Variants in IQGAP3 observed in about 807,000 individuals in gnomAD.
The protein encoded by IQGAP3 is IQ motif containing GTPase activating protein 3, also known as ras GTPase-activating-like protein IQGAP3.
IQGAP3 carries 165 observed loss-of-function variants against 208.2 expected under a neutral mutation model. The observed-to-expected ratio is 0.79, with a 90% CI of 0.70 to 0.90. The LOEUF is 0.90. IQGAP3 is among the 40% of genes least tolerant of loss of function. IQGAP3 has a pLI of 0.00. For synonymous variants in IQGAP3, 703 were observed against 803.6 expected, an observed-to-expected ratio of 0.87 and a Z score of 2.12; for missense variants, 1,811 against 2,043.1, an observed-to-expected ratio of 0.89 and a Z score of 2.19.
chr1:156,548,512 A>G lies in IQGAP3; in HGVS notation c.1994-25T>C, dbSNP rs116825612. 2,140 of 1,610,816 alleles carry G rather than the reference A, an allele frequency of 1.3e-3. 24 individuals are homozygous for G. The African/African-American group carries it at 0.024, about 18-fold the overall frequency. On this transcript the variant is annotated intron_variant, in intron 17 of 37. Transcript: ENST00000361170. ...GCTAAGCAGAAACCAAGCAAGCAGA[A>G]AAGGTTCAGAGCAGGCAAGGGGTGG... is the stretch of plus-strand genomic sequence containing the variant.
chr1:156,541,045 T>C, intron 22 of IQGAP3, 129 bp from the exon 23 acceptor site: 6 of 697,478 alleles, frequency 8.6e-6, no homozygotes. Flanking sequence ...ACCCCAGTCC[T>C]CTTCTAACTG....
chr1:156,543,889 G>C (rs1675103658), intron 22 of IQGAP3, 92 bp downstream of exon 22: 4 of 1,074,076 alleles, frequency 3.7e-6, no homozygotes, highest in Non-Finnish European at 5.8e-6. Context: ...CCCCTTACCT[G>C]CTGTGCAGTC....
rs369838719 is a variant in IQGAP3 at position 156,530,333 on chromosome 1, C to T, written c.4192-16G>A. The T allele has an allele frequency of 1.3e-4, 215 of 1,599,250 alleles. No individual in the cohort carries two copies. Among genetic ancestry groups the T allele is most frequent in the Middle Eastern group, 4.2e-4 (2 of 4,708 alleles). ...GGGCTGCTTCCTGGGGACACACAGA[C>T]GCTGGAGGGGTCTACCAGGTCCTAC... On this transcript the variant is annotated splice_polypyrimidine_tract_variant and intron_variant, in intron 33 of 37. Coordinates refer to ENST00000361170, the MANE Select transcript of IQGAP3 (RefSeq NM_178229.5).
intron 29 of IQGAP3, 48 bp downstream of exon 29, chr1:156,534,453 A>T: frequency 7.4e-7 from 1 of 1,358,306 alleles, no homozygotes; most frequent in Non-Finnish European, 1.0e-6. Flanking sequence ...GGGATGTCAA[A>T]GGTGAGAAGA....
chr1:156,567,110 G>A (rs1630562), intron 2 of IQGAP3, among the ~76,000 whole-genome samples: 39,605 of 151,956 alleles, frequency 0.26, 5,716 homozygotes, highest in East Asian at 0.53. Context: ...CAGGTGATCC[G>A]CCCGCCTTGG....
At chr1:156,550,217 T>A (rs762801970) in intron 16 of IQGAP3, 44 bp downstream of exon 16, 1 of 1,382,158 alleles carries the variant, frequency 7.2e-7, no homozygotes, top group Admixed American at 1.7e-5. Context: ...TGAGCCCACA[T>A]CACCATCCCT....
chr1:156,531,824 C>T (rs188159487), intron 32 of IQGAP3, among the ~76,000 whole-genome samples: 3 of 151,656 alleles, frequency 2.0e-5, no homozygotes, highest in Non-Finnish European at 2.9e-5. Context: ...AGGCTGGTCT[C>T]GAACTCCTGA....
At position 156,551,773 on chromosome 1, in the gene IQGAP3, C is replaced by T; in HGVS notation, c.1666G>A (p.Asp556Asn). The T allele has an allele frequency of 6.2e-7, 1 of 1,614,050 alleles. No homozygotes were observed. The highest frequency in any genetic ancestry group is 8.5e-7 in the Non-Finnish European group (1 of 1,180,002). The change falls in exon 15 of 38, where the codon GAT (aspartate) becomes AAT (asparagine). Residue 556 changes from aspartate (D) to asparagine (N), a missense_variant. Physicochemically the swap from Asp to Asn is conservative, Grantham distance 23 (BLOSUM62 1). Coordinates refer to ENST00000361170, the MANE Select transcript of IQGAP3 (RefSeq NM_178229.5). ...ALLLPAAGLD[D>N]VSLPVAPRYH... ...CGAGGGGCGACAGGGAGGCTGACATCATCTAGGCCAGCTGCAGGAAGCAGT... is the reference window on the plus strand; with the variant it reads ...CGAGGGGCGACAGGGAGGCTGACATTATCTAGGCCAGCTGCAGGAAGCAGT...
intron 35 of IQGAP3, 80 bp from the exon 36 acceptor site, chr1:156,528,690 G>T: frequency 8.0e-7 from 1 of 1,247,962 alleles, no homozygotes; most frequent in Non-Finnish European, 1.1e-6. Context: ...GGCTGGAAAG[G>T]AAATGAGACC....
chr1:156,563,226 G>A lies in IQGAP3; in HGVS notation c.706C>T (p.Leu236Phe), dbSNP rs748702061. Reference protein sequence around the residue: ...TLAALQNPSALLENLREPLAA... With the variant: ...TLAALQNPSAFLENLREPLAA... ...AGAGGCTCTCGGAGATTCTCCAGAA[G>A]AGCACTGGGATTCTGCAAGGCAGCC... is the stretch of plus-strand genomic sequence containing the variant. Residue 236 changes from leucine to phenylalanine, a missense_variant, in exon 8 of 38, where the codon CTT (leucine) becomes TTT (phenylalanine). Coordinates refer to ENST00000361170, the MANE Select transcript of IQGAP3 (RefSeq NM_178229.5). 4 of 1,613,290 alleles carry A rather than the reference G, an allele frequency of 2.5e-6. No homozygotes were observed. The highest frequency in any genetic ancestry group is 8.5e-7 in the Non-Finnish European group (1 of 1,179,430).
At chr1:156,553,551 T>C (rs911737455) in intron 13 of IQGAP3, among the ~76,000 whole-genome samples, 20 of 151,858 alleles carry the variant, frequency 1.3e-4, no homozygotes, top group Non-Finnish European at 2.5e-4. Context: ...TTTTTCTCTA[T>C]GTCTTTTCTT....
rs377570166 is a variant in IQGAP3, at chr1:156,563,693, A to T, written c.506-27T>A. On this transcript the variant is annotated intron_variant, in intron 6 of 37. Transcript: ENST00000361170. ...TGCAATGATGCCACAGGTGCCCTTC[A>T]TCAGGCCCAGAACCCCCAAGACCCT... is the stretch of plus-strand genomic sequence containing the variant. 1.2e-5 allele frequency: 19 copies of T among 1,610,144 alleles called. No individual in the cohort carries two copies. In the African/African-American group the frequency reaches 1.7e-4, roughly 15 times the overall value.
intron 15 of IQGAP3, among the ~76,000 whole-genome samples, 178 bp from the exon 16 acceptor site, chr1:156,550,529 G>C (rs975003462): frequency 6.6e-6 from 1 of 152,170 alleles, no homozygotes; most frequent in Non-Finnish European, 1.5e-5. Flanking sequence ...TCCCTGGGAC[G>C]CGGCCAGGCT....
chr1:156,572,451 G>T (rs1321148002), intron 1 of IQGAP3, 42 bp downstream of exon 1: 2 of 1,598,132 alleles, frequency 1.3e-6, no homozygotes, highest in Middle Eastern at 1.7e-4. Flanking sequence ...CCCGACCAGC[G>T]GCACCACTGC....
intron 13 of IQGAP3, among the ~76,000 whole-genome samples, chr1:156,553,986 T>A (rs551582292): frequency 2.2e-4 from 34 of 152,350 alleles, no homozygotes; most frequent in African/African-American, 7.9e-4. Context: ...TAGAGTAATA[T>A]CTGGCACATG....
At position 156,544,387 on chromosome 1, in the gene IQGAP3, A is replaced by T. The variant is rs775666767; in HGVS notation, c.2388+2T>A. 1 of 1,612,382 alleles carries T rather than the reference A, an allele frequency of 6.2e-7. No homozygotes were observed. The highest frequency in any genetic ancestry group is 1.1e-5 in the South Asian group (1 of 91,052). On this transcript the variant is annotated splice_donor_variant, in intron 20 of 37. Coordinates refer to ENST00000361170, the MANE Select transcript of IQGAP3 (RefSeq NM_178229.5). LOFTEE classifies it high-confidence loss of function. The stretch of plus-strand genomic sequence containing the variant: ...GGAGCCTGCCAAAACCACCGTAGCT[A>T]CCTTGATTATGGCATCCAGGTTTGC...
In IQGAP3 at chr1:156,563,295, C is replaced by T; in HGVS notation, c.637G>A (p.Ala213Thr). 1 of 1,602,988 alleles carries T rather than the reference C, an allele frequency of 6.2e-7. No homozygotes were observed. The highest frequency in any genetic ancestry group is 8.5e-7 in the Non-Finnish European group (1 of 1,172,358). ...CCTCGCTCCACTGCTTCATTGATGG[C>T]AAGAACAGCTGCATGGACTGGGAGA... ...DEAAVHAAVL[A>T]INEAVERGVV... is the part of the protein sequence containing the mutation. The change falls in exon 8 of 38, where the codon GCC becomes ACC. Residue 213 changes from alanine to threonine, a missense_variant. Coordinates refer to ENST00000361170, the MANE Select transcript of IQGAP3 (RefSeq NM_178229.5).
In IQGAP3 at chr1:156,569,395, G is replaced by A. The variant is rs551482367; in HGVS notation, c.106C>T (p.Arg36Trp). 117 of 1,613,232 alleles carry A rather than the reference G, an allele frequency of 7.3e-5. No individual in the cohort carries two copies. In the South Asian group the frequency reaches 1.0e-3, roughly 14 times the overall value. ...RQNVAYQYLC[R>W]LEEAKRWMEA... ...GCTCACCGCTTGGCCTCCTCCAGCC[G>A]GCACAGGTACTGATAGGCAACATTC... The change falls in exon 2 of 38, where the codon CGG becomes TGG. Residue 36 changes from arginine to tryptophan, a missense_variant. Arg to Trp is a moderately radical substitution (Grantham distance 101). Transcript: ENST00000361170.
chr1:156,528,066 AG>A lies in IQGAP3; in HGVS notation c.4674-7del, dbSNP rs773861856. The A allele has an allele frequency of 1.2e-6, 2 of 1,611,400 alleles. No homozygotes were observed. Among genetic ancestry groups the A allele is most frequent in the Non-Finnish European group, 1.7e-6 (2 of 1,177,466 alleles). On this transcript the variant is annotated splice_region_variant and splice_polypyrimidine_tract_variant and intron_variant, in intron 36 of 37. Transcript: ENST00000361170. Reference sequence around the variant, plus strand: ...CAAAGATGACGTTTCTGAAGCTGTCAGGAACAGGATTCAAAACAGGAACCCA... The same window carrying A: ...CAAAGATGACGTTTCTGAAGCTGTCAGAACAGGATTCAAAACAGGAACCCA...
Sources: gnomAD v4.1 joint callset for allele counts (sites outside exome capture counted in the v4.1 genomes callset) on GRCh38, gnomAD v4.1.1 for gene constraint, MANE v1.5 for transcripts, NCBI Gene and HGNC (gene_info 2026-07-23, HGNC 2026-07-21) for gene names.